KANSL1: variants seen among roughly 807,000 people sequenced by gnomAD.
KANSL1 encodes the protein KAT8 regulatory NSL complex subunit 1.
KANSL1 carries 22 observed loss-of-function variants against 103.6 expected under a neutral mutation model. The ratio of observed to expected loss-of-function variants is 0.21; its 90% CI spans 0.15 to 0.30. The LOEUF is 0.30. Ranked by LOEUF, KANSL1 falls within the 10% of genes least tolerant of loss-of-function variation. The pLI is 1.00. For missense variants in KANSL1, 1,337 were observed against 1,399.8 expected, an observed-to-expected ratio of 0.96 and a Z score of 0.72; for synonymous variants, 600 against 527.6, an observed-to-expected ratio of 1.14 and a Z score of -1.88.
At position 46,030,728 on chromosome 17, in the gene KANSL1, G is replaced by T. The variant is rs985327203; in HGVS notation, c.*748C>A. 2 of 152,208 alleles carry T rather than the reference G, an allele frequency of 1.3e-5. No homozygotes were observed. The highest frequency in any genetic ancestry group is 4.8e-5 in the African/African-American group (2 of 41,390). The allele number at this position is 152,208 out of a possible 1,614,324, so 9.4% of individuals were successfully genotyped here. On this transcript the variant is annotated 3_prime_UTR_variant, in exon 15 of 15. Coordinates refer to ENST00000432791, the MANE Select transcript of KANSL1 (RefSeq NM_015443.4). Reference sequence around the variant, plus strand: ...ATAGGTGGTAAAAATATTCCAAGTGGAAGGACGGGTTGTGGGTGTGTACAT... The same window carrying T: ...ATAGGTGGTAAAAATATTCCAAGTGTAAGGACGGGTTGTGGGTGTGTACAT...
At chr17:46,092,961 T>G (rs2079469172) in intron 3 of KANSL1, 1 of 152,176 alleles carries the variant, frequency 6.6e-6, no homozygotes. Flanking sequence ...ATGTAGCAGT[T>G]TTATAACAAG....
At chr17:46,043,641 C>T (rs980410256) in intron 7 of KANSL1, 2 of 152,170 alleles carry the variant, frequency 1.3e-5, no homozygotes, top group Non-Finnish European at 2.9e-5. Flanking sequence ...TGAATAGGCA[C>T]AAGAAAGGAC....
chr17:46,077,356 A>G (rs1163618867), intron 4 of KANSL1, among the ~76,000 whole-genome samples: 2 of 152,068 alleles, frequency 1.3e-5, no homozygotes, highest in East Asian at 3.9e-4. Context: ...CCCAGCTTAC[A>G]ATATTTTTAG....
intron 6 of KANSL1, among the ~76,000 whole-genome samples, chr17:46,057,737 T>C (rs2077985200): frequency 1.3e-5 from 2 of 152,234 alleles, no homozygotes; most frequent in Middle Eastern, 3.2e-3. Flanking sequence ...GGAAGGATGA[T>C]TGTATGCTAA....
At chr17:46,127,834 C>A (rs1182258133) in intron 2 of KANSL1, among the ~76,000 whole-genome samples, 2 of 152,082 alleles carry the variant, frequency 1.3e-5, no homozygotes, top group Non-Finnish European at 2.9e-5. Context: ...TCTGTAAATT[C>A]TTCAATGTGA....
chr17:46,094,523 C>T (rs1339475778), intron 3 of KANSL1, 37 bp downstream of exon 3: 9 of 1,594,686 alleles, frequency 5.6e-6, no homozygotes, highest in South Asian at 1.1e-5. Context: ...TGATAGTTTT[C>T]GGCAGCATTT....
At chr17:46,185,125 C>G (rs1283751825) in intron 1 of KANSL1, among the ~76,000 whole-genome samples, 6 of 152,212 alleles carry the variant, frequency 3.9e-5, no homozygotes, top group African/African-American at 1.4e-4. Context: ...CCACGCCTGG[C>G]CAACTATGTA....
intron 7 of KANSL1, 95 bp from the exon 8 acceptor site, chr17:46,039,979 G>C: frequency 8.9e-7 from 1 of 1,123,220 alleles, no homozygotes; most frequent in Non-Finnish European, 1.3e-6. Context: ...TTGCCCAGTG[G>C]CCTGACACTT....
intron 6 of KANSL1, among the ~76,000 whole-genome samples, chr17:46,061,663 T>C (rs1463887472): frequency 6.6e-6 from 1 of 152,190 alleles, no homozygotes; most frequent in East Asian, 1.9e-4. Flanking sequence ...ACCCTAGTGG[T>C]TATTCCTTAG....
chr17:46,036,607 T>G (rs1440418589), intron 10 of KANSL1, among the ~76,000 whole-genome samples: 1 of 152,238 alleles, frequency 6.6e-6, no homozygotes, highest in East Asian at 1.9e-4. Flanking sequence ...CTATGCCATT[T>G]TATATTAGGG....
intron 1 of KANSL1, among the ~76,000 whole-genome samples, chr17:46,208,748 A>T (rs1464664388): frequency 2.6e-5 from 4 of 151,608 alleles, no homozygotes; most frequent in Non-Finnish European, 4.4e-5. Context: ...ACCTCAGCTC[A>T]GCCCACCGGA....
chr17:46,212,227 C>CT (rs68040324), intron 1 of KANSL1, among the ~76,000 whole-genome samples: 162 of 145,746 alleles, frequency 1.1e-3, no homozygotes, highest in Middle Eastern at 7.2e-3. Context: ...ATTAAAAATT[C>CT]TTTTTTTTTT....
intron 6 of KANSL1, among the ~76,000 whole-genome samples, chr17:46,057,524 T>C (rs1393635744): frequency 6.6e-6 from 1 of 152,036 alleles, no homozygotes; most frequent in African/African-American, 2.4e-5. Flanking sequence ...TAACAATGGG[T>C]CCAGGCAATG....
At chr17:46,137,111 TC>T (rs141703321) in intron 2 of KANSL1, among the ~76,000 whole-genome samples, 8,256 of 152,098 alleles carry the variant, frequency 0.054, 750 homozygotes, top group African/African-American at 0.19. Flanking sequence ...ATCAAATCCT[TC>T]CCCCCAAAAT....
chr17:46,219,725 T>C (rs2048460745), intron 1 of KANSL1, among the ~76,000 whole-genome samples: 1 of 152,260 alleles, frequency 6.6e-6, no homozygotes, highest in Non-Finnish European at 1.5e-5. Flanking sequence ...CATCTATAAA[T>C]TCAAAATTCT....
At chr17:46,096,769 C>A (rs376392371) in intron 2 of KANSL1, among the ~76,000 whole-genome samples, 235 of 152,254 alleles carry the variant, frequency 1.5e-3, no homozygotes, top group African/African-American at 5.5e-3. Context: ...CAGGCGCCCA[C>A]CACCACGCCT....
At chr17:46,070,872 G>A (rs1011131737) in intron 4 of KANSL1, among the ~76,000 whole-genome samples, 4 of 152,156 alleles carry the variant, frequency 2.6e-5, no homozygotes, top group Non-Finnish European at 5.9e-5. Context: ...ATTTGATTAA[G>A]TTTTTCTGGT....
At chr17:46,118,649 C>G (rs17661141) in intron 2 of KANSL1, among the ~76,000 whole-genome samples, 21,658 of 151,978 alleles carry the variant, frequency 0.14, 2,121 homozygotes, top group Non-Finnish European at 0.22. Context: ...TTTTGATGAA[C>G]TTTCCTTGCT....
chr17:46,067,416 G>C, intron 5 of KANSL1, 133 bp downstream of exon 5: 1 of 676,166 alleles, frequency 1.5e-6, no homozygotes, highest in Non-Finnish European at 2.6e-6. Context: ...ATACAGTGAA[G>C]ATTAAAAATG....
Sources: gnomAD v4.1 joint callset for allele counts (sites outside exome capture counted in the v4.1 genomes callset) on GRCh38, gnomAD v4.1.1 for gene constraint, MANE v1.5 for transcripts, NCBI Gene and HGNC (gene_info 2026-07-23, HGNC 2026-07-21) for gene names.